Variants in RTN1 observed in about 807,000 individuals in gnomAD.
RTN1 encodes reticulon 1.
Under a neutral mutation model 65.5 loss-of-function variants are expected in RTN1, and 25 were observed. The observed-to-expected ratio is 0.38, with a 90% confidence interval of 0.28 to 0.53. The LOEUF is 0.53. RTN1 is among the 20% of genes least tolerant of loss of function. The pLI, the probability that RTN1 is intolerant of heterozygous loss-of-function variation, is 0.79. For missense variants in RTN1, 983 were observed against 1,025.4 expected (o/e 0.96, Z 0.57); for synonymous variants, 471 against 447.6 (o/e 1.05, Z -0.66).
chr14:59,674,956 A>G (rs1314031694), intron 3 of RTN1, among the ~76,000 whole-genome samples: 2 of 152,074 alleles, frequency 1.3e-5, no homozygotes, highest in Non-Finnish European at 2.9e-5. Flanking sequence ...GAAAATGCAT[A>G]TTGGGGCCAG....
intron 1 of RTN1, among the ~76,000 whole-genome samples, chr14:59,758,340 G>A (rs1885681133): frequency 6.6e-6 from 1 of 152,034 alleles, no homozygotes; most frequent in Admixed American, 6.6e-5. Flanking sequence ...CTATTTCAAA[G>A]CCTTCTGTGA....
intron 2 of RTN1, among the ~76,000 whole-genome samples, chr14:59,731,384 T>G (rs1884893545): frequency 6.6e-6 from 1 of 152,112 alleles, no homozygotes; most frequent in Non-Finnish European, 1.5e-5. Context: ...GGTTTCTTTT[T>G]GGGGTAATAA....
At chr14:59,772,878 C>A (rs1594736604) in intron 1 of RTN1, among the ~76,000 whole-genome samples, 1 of 152,138 alleles carries the variant, frequency 6.6e-6, no homozygotes, top group East Asian at 1.9e-4. Context: ...TGTAATACTT[C>A]TAAAATCCTG....
At chr14:59,786,570 T>C (rs1350760638) in intron 1 of RTN1, among the ~76,000 whole-genome samples, 3 of 152,184 alleles carry the variant, frequency 2.0e-5, no homozygotes, top group Non-Finnish European at 4.4e-5. Flanking sequence ...AAGACCCTTT[T>C]CAGATTTTTC....
At chr14:59,746,771 G>A (rs893972667) in intron 1 of RTN1, among the ~76,000 whole-genome samples, 5 of 152,186 alleles carry the variant, frequency 3.3e-5, no homozygotes, top group African/African-American at 9.6e-5. Flanking sequence ...TATTTTCAAC[G>A]TCTACCACCT....
intron 3 of RTN1, among the ~76,000 whole-genome samples, chr14:59,725,553 T>C (rs1884739472): frequency 6.6e-6 from 1 of 152,188 alleles, no homozygotes; most frequent in Non-Finnish European, 1.5e-5. Context: ...AACAAACACA[T>C]TCCCACCGTT....
chr14:59,629,200 A>G (rs1208383839), intron 3 of RTN1, among the ~76,000 whole-genome samples: 33 of 152,330 alleles, frequency 2.2e-4, no homozygotes, highest in African/African-American at 7.7e-4. Context: ...TTTACTTTTG[A>G]CAACGGTATT....
intron 2 of RTN1, among the ~76,000 whole-genome samples, chr14:59,728,566 A>T (rs1884832974): frequency 6.6e-6 from 1 of 152,100 alleles, no homozygotes; most frequent in Non-Finnish European, 1.5e-5. Flanking sequence ...TGGGATCACC[A>T]TGACAACAGT....
intron 1 of RTN1, among the ~76,000 whole-genome samples, chr14:59,811,876 G>A (rs1261350858): frequency 6.6e-6 from 1 of 152,146 alleles, no homozygotes; most frequent in South Asian, 2.1e-4. Flanking sequence ...AACTGGGTAC[G>A]TTTAAAAAAT....
chr14:59,771,078 C>T (rs1297845413), intron 1 of RTN1, among the ~76,000 whole-genome samples: 1 of 151,884 alleles, frequency 6.6e-6, no homozygotes, highest in African/African-American at 2.4e-5. Context: ...ATGGCATGAG[C>T]TTTCCTTTCT....
At chr14:59,848,094 G>C (rs1032838067) in intron 1 of RTN1, among the ~76,000 whole-genome samples, 1 of 152,118 alleles carries the variant, frequency 6.6e-6, no homozygotes, top group African/African-American at 2.4e-5. Context: ...TGAAGGCCTA[G>C]AGTTGAAGAG....
chr14:59,729,826 T>C (rs1411616176), intron 2 of RTN1, among the ~76,000 whole-genome samples: 1 of 152,190 alleles, frequency 6.6e-6, no homozygotes, highest in Non-Finnish European at 1.5e-5. Context: ...CTGACCTACA[T>C]AGAAAGCATA....
intron 2 of RTN1, among the ~76,000 whole-genome samples, chr14:59,730,977 A>G (rs1031103118): frequency 6.6e-5 from 10 of 152,210 alleles, no homozygotes; most frequent in South Asian, 2.1e-4. Context: ...GAGTCATCAT[A>G]TGATCCAGTA....
At chr14:59,686,614 T>G (rs887904606) in intron 3 of RTN1, among the ~76,000 whole-genome samples, 1 of 152,186 alleles carries the variant, frequency 6.6e-6, no homozygotes, top group African/African-American at 2.4e-5. Flanking sequence ...GAGGAAAACG[T>G]GGGCAAACAG....
intron 1 of RTN1, among the ~76,000 whole-genome samples, chr14:59,852,177 C>A (rs753010346): frequency 3.0e-4 from 45 of 152,256 alleles, no homozygotes; most frequent in Admixed American, 9.1e-4. Flanking sequence ...AAATTTTCTA[C>A]GTATAATGGC....
rs11844668 is a variant in RTN1 at position 59,824,327 on chromosome 14, T to C, written c.241+46063A>G. 9.0e-3 allele frequency among the ~76,000 whole-genome samples: 1,378 copies of C among 152,326 alleles called. 25 individuals are homozygous for C. Among genetic ancestry groups the C allele is most frequent in the African/African-American group, 0.032 (1,315 of 41,556 alleles). Reference sequence around the variant, plus strand: ...TTATCTTAATTTTGCTTGTTCTTACTGTATGGATGGCTTTATAAAATAAAT... The same window carrying C: ...TTATCTTAATTTTGCTTGTTCTTACCGTATGGATGGCTTTATAAAATAAAT... On this transcript the variant is annotated intron_variant, in intron 1 of 8. Coordinates refer to ENST00000267484, the MANE Select transcript of RTN1 (RefSeq NM_021136.3).
At chr14:59,738,571 A>C (rs1409911868) in intron 2 of RTN1, among the ~76,000 whole-genome samples, 1 of 152,224 alleles carries the variant, frequency 6.6e-6, no homozygotes, top group African/African-American at 2.4e-5. Flanking sequence ...AATTAGTTCA[A>C]CCATTGTGGA....
At chr14:59,607,536 C>T (rs779327912) in intron 3 of RTN1, 44 bp from the exon 4 acceptor site, 18 of 1,523,328 alleles carry the variant, frequency 1.2e-5, no homozygotes, top group Middle Eastern at 2.3e-4. Flanking sequence ...CCCGCAGTGC[C>T]GCCACATGAG....
At chr14:59,609,328 C>CTT (rs747783278) in intron 3 of RTN1, among the ~76,000 whole-genome samples, 47 of 141,714 alleles carry the variant, frequency 3.3e-4, no homozygotes, top group African/African-American at 1.0e-3. Context: ...TAATCCTTTT[C>CTT]TTTTTTTTTT....
Sources: gnomAD v4.1 joint callset for allele counts (sites outside exome capture counted in the v4.1 genomes callset) on GRCh38, gnomAD v4.1.1 for gene constraint, MANE v1.5 for transcripts, NCBI Gene and HGNC (gene_info 2026-07-23, HGNC 2026-07-21) for gene names.